PSD3: variants seen among roughly 807,000 people sequenced by gnomAD.
PSD3 encodes pleckstrin and Sec7 domain containing 3.
Under a neutral mutation model 105.5 loss-of-function variants are expected in PSD3, and 49 were observed. The ratio of observed to expected loss-of-function variants is 0.46; its 90% CI spans 0.37 to 0.59. The LOEUF (loss-of-function observed/expected upper bound fraction) is 0.59. Ranked by LOEUF, PSD3 falls within the 20% of genes least tolerant of loss-of-function variation. The pLI, the probability that PSD3 is intolerant of heterozygous loss-of-function variation, is 0.00. For synonymous variants in PSD3, 557 were observed against 457.8 expected (o/e 1.22, Z -2.77); for missense variants, 1,561 against 1,263.8 (o/e 1.24, Z -3.57).
At chr8:19,058,948 G>A (rs1210365896) in intron 1 of PSD3, among the ~76,000 whole-genome samples, 3 of 152,096 alleles carry the variant, frequency 2.0e-5, no homozygotes, top group Non-Finnish European at 2.9e-5. Flanking sequence ...GCTGGCCCTC[G>A]CGTTCACTCT....
At chr8:18,797,122 T>C (rs1479868423) in intron 8 of PSD3, among the ~76,000 whole-genome samples, 1 of 152,104 alleles carries the variant, frequency 6.6e-6, no homozygotes, top group African/African-American at 2.4e-5. Context: ...AGAAACATAT[T>C]TACATGGTTA....
chr8:18,566,203 C>T (rs986190318), intron 14 of PSD3, among the ~76,000 whole-genome samples: 2 of 152,060 alleles, frequency 1.3e-5, no homozygotes, highest in Admixed American at 6.6e-5. Flanking sequence ...CCTTATGACT[C>T]GGCAAAGAAA....
chr8:18,793,128 G>C (rs1475955034), intron 8 of PSD3, among the ~76,000 whole-genome samples: 1 of 152,060 alleles, frequency 6.6e-6, no homozygotes, highest in Non-Finnish European at 1.5e-5. Flanking sequence ...TGAACAATGA[G>C]AACACTTGGA....
intron 2 of PSD3, among the ~76,000 whole-genome samples, chr8:18,933,942 C>T (rs12675794): frequency 0.044 from 6,642 of 152,180 alleles, 295 homozygotes; most frequent in East Asian, 0.17. Flanking sequence ...AGATATACTA[C>T]GAAACACATT....
At chr8:18,855,508 A>G (rs908150762) in intron 4 of PSD3, among the ~76,000 whole-genome samples, 1 of 152,232 alleles carries the variant, frequency 6.6e-6, no homozygotes, top group Non-Finnish European at 1.5e-5. Context: ...TGAGTCAATA[A>G]GAATGAATTT....
chr8:18,821,872 CCACACACACACA>C (rs5889830), intron 4 of PSD3, among the ~76,000 whole-genome samples: 4 of 137,410 alleles, frequency 2.9e-5, no homozygotes, highest in Admixed American at 2.2e-4. Context: ...TGCACACACA[CCACACACACACA>C]CACACACACA....
At chr8:18,736,990 A>G (rs1804195029) in intron 9 of PSD3, among the ~76,000 whole-genome samples, 3 of 152,222 alleles carry the variant, frequency 2.0e-5, no homozygotes, top group Admixed American at 6.5e-5. Flanking sequence ...GATGACATAA[A>G]AAAATCTCAG....
intron 1 of PSD3, among the ~76,000 whole-genome samples, chr8:19,024,587 T>C (rs1009746507): frequency 2.6e-5 from 4 of 152,198 alleles, no homozygotes; most frequent in African/African-American, 9.7e-5. Flanking sequence ...CCTGAGCTTA[T>C]GTTAATGAGG....
At chr8:18,914,150 T>C (rs1329508181) in intron 2 of PSD3, among the ~76,000 whole-genome samples, 1 of 146,928 alleles carries the variant, frequency 6.8e-6, no homozygotes, top group Non-Finnish European at 1.5e-5. Context: ...ATCATCTCCA[T>C]AGACTCATAA....
chr8:18,568,735 T>A (rs1801951980), intron 14 of PSD3, among the ~76,000 whole-genome samples: 1 of 152,012 alleles, frequency 6.6e-6, no homozygotes, highest in African/African-American at 2.4e-5. Context: ...CTTTAAGTTT[T>A]CGGGTACATG....
At chr8:19,037,786 C>T (rs1284393047) in intron 1 of PSD3, among the ~76,000 whole-genome samples, 1 of 152,034 alleles carries the variant, frequency 6.6e-6, no homozygotes, top group Non-Finnish European at 1.5e-5. Flanking sequence ...CGGACTTGGA[C>T]TGAATTATAC....
At chr8:18,821,107 T>C (rs1049492434) in intron 4 of PSD3, among the ~76,000 whole-genome samples, 10 of 152,084 alleles carry the variant, frequency 6.6e-5, no homozygotes, top group African/African-American at 2.2e-4. Flanking sequence ...CATTTATAGG[T>C]CATGACATTC....
chr8:19,071,562 C>T (rs1379293610), intron 1 of PSD3, among the ~76,000 whole-genome samples: 2 of 152,106 alleles, frequency 1.3e-5, no homozygotes, highest in African/African-American at 4.8e-5. Flanking sequence ...TTGGCTTGAG[C>T]CTGGAAAGCG....
intron 12 of PSD3, among the ~76,000 whole-genome samples, chr8:18,584,795 G>A (rs941057874): frequency 3.3e-5 from 5 of 152,112 alleles, no homozygotes; most frequent in African/African-American, 1.2e-4. Flanking sequence ...TCAAAAAGGT[G>A]GGGGGCTCCT....
intron 1 of PSD3, among the ~76,000 whole-genome samples, chr8:19,010,739 T>A (rs1198294884): frequency 6.6e-6 from 1 of 152,108 alleles, no homozygotes; most frequent in Non-Finnish European, 1.5e-5. Context: ...ATATGGGCAC[T>A]CCGAACAAAT....
chr8:18,836,448 C>A (rs1206805323), intron 4 of PSD3, among the ~76,000 whole-genome samples: 1 of 152,176 alleles, frequency 6.6e-6, no homozygotes, highest in Non-Finnish European at 1.5e-5. Context: ...CAAACACAAA[C>A]ACACAGAGGT....
chr8:18,682,411 T>C (rs1800439706), intron 9 of PSD3, among the ~76,000 whole-genome samples: 1 of 152,180 alleles, frequency 6.6e-6, no homozygotes, highest in Non-Finnish European at 1.5e-5. Context: ...TAAACCATTC[T>C]GGTCTATTTC....
chr8:18,752,512 T>A (rs1485089441), intron 9 of PSD3, among the ~76,000 whole-genome samples: 1 of 56,184 alleles, frequency 1.8e-5, no homozygotes, highest in South Asian at 4.0e-4. Context: ...ATATATATAA[T>A]ATATGTAATA....
At chr8:18,963,611 C>T (rs1274474807) in intron 1 of PSD3, among the ~76,000 whole-genome samples, 1 of 152,184 alleles carries the variant, frequency 6.6e-6, no homozygotes, top group Non-Finnish European at 1.5e-5. Context: ...TAGTTCCTTA[C>T]ATTTGTCTTG....
Sources: allele counts gnomAD v4.1 joint callset (sites outside exome capture counted in the v4.1 genomes callset), GRCh38; gene constraint gnomAD v4.1.1; transcripts MANE v1.5; gene names NCBI Gene and HGNC (gene_info 2026-07-23, HGNC 2026-07-21).